Variants in CDH22 observed in about 807,000 individuals in gnomAD.
CDH22 encodes cadherin-22.
Under a neutral mutation model 58.4 loss-of-function variants are expected in CDH22, and 30 were observed. The ratio of observed to expected loss-of-function variants is 0.51; its 90% CI spans 0.38 to 0.70. The LOEUF is 0.70. CDH22 is among the 30% of genes least tolerant of loss of function. CDH22 has a pLI of 0.00. For synonymous variants in CDH22, 513 were observed against 558.2 expected, an observed-to-expected ratio of 0.92 and a Z score of 1.14; for missense variants, 1,014 against 1,233.9, an observed-to-expected ratio of 0.82 and a Z score of 2.67.
At chr20:46,283,492 G>A (rs1410146743) in intron 1 of CDH22, among the ~76,000 whole-genome samples, 1 of 152,150 alleles carries the variant, frequency 6.6e-6, no homozygotes, top group Non-Finnish European at 1.5e-5. Context: ...CATGGAAGCT[G>A]GATATTGCTG....
At chr20:46,244,782 G>T (rs3904166) in intron 2 of CDH22, among the ~76,000 whole-genome samples, 42,475 of 152,036 alleles carry the variant, frequency 0.28, 6,135 homozygotes, top group African/African-American at 0.37. Context: ...AGCTTGGGTG[G>T]TGGCCTTGAC....
chr20:46,254,238 G>A (rs1248484139), intron 1 of CDH22, among the ~76,000 whole-genome samples: 1 of 152,086 alleles, frequency 6.6e-6, no homozygotes, highest in Non-Finnish European at 1.5e-5. Context: ...CATGTGCTGG[G>A]CACTGGGGAC....
In CDH22 at chr20:46,178,190, G is replaced by A. The variant is rs562362688; in HGVS notation, c.1671C>T (p.Thr557=). Residue 557 remains threonine, a synonymous_variant, in exon 11 of 12, where the codon ACC becomes ACT. Coordinates refer to ENST00000537909, the MANE Select transcript of CDH22 (RefSeq NM_021248.3). Reference sequence around the variant, plus strand: ...CCACGTGCTGCGTGTGCACTGCAGCGGTGTTGTCTGTTCCGGAAGAAGGGG... The same window carrying A: ...CCACGTGCTGCGTGTGCACTGCAGCAGTGTTGTCTGTTCCGGAAGAAGGGG... ...HFSLLDIQDN[T]AAVHTQHVGF... 6.8e-6 allele frequency: 11 copies of A among 1,611,128 alleles called. No homozygotes were observed. In the East Asian group the frequency reaches 1.3e-4, roughly 20 times the overall value.
intron 2 of CDH22, among the ~76,000 whole-genome samples, chr20:46,243,701 G>A (rs1387963151): frequency 6.6e-6 from 1 of 152,168 alleles, no homozygotes; most frequent in Non-Finnish European, 1.5e-5. Flanking sequence ...GGGTGATTCT[G>A]TTCCCTTTTG....
intron 1 of CDH22, among the ~76,000 whole-genome samples, chr20:46,290,315 T>A (rs556710218): frequency 6.6e-6 from 1 of 152,216 alleles, no homozygotes; most frequent in Non-Finnish European, 1.5e-5. Context: ...CATTTAGCAA[T>A]GACTAGAGAT....
chr20:46,211,159 G>A (rs1042700321), intron 6 of CDH22, among the ~76,000 whole-genome samples: 1 of 151,024 alleles, frequency 6.6e-6, no homozygotes, highest in Non-Finnish European at 1.5e-5. Flanking sequence ...GCTTCTTATC[G>A]GGGGGTGCTA....
intron 1 of CDH22, among the ~76,000 whole-genome samples, chr20:46,267,843 C>G (rs1246249388): frequency 6.6e-6 from 1 of 152,244 alleles, no homozygotes; most frequent in Admixed American, 6.5e-5. Context: ...GGAAACAGGC[C>G]TTGAGCCAGA....
intron 11 of CDH22, among the ~76,000 whole-genome samples, chr20:46,177,672 G>C (rs2085750810): frequency 6.6e-6 from 1 of 152,160 alleles, no homozygotes; most frequent in Admixed American, 6.5e-5. Context: ...CCATTCACAT[G>C]AGAAAATTTT....
intron 1 of CDH22, among the ~76,000 whole-genome samples, chr20:46,283,564 TCA>T (rs1208203670): frequency 6.6e-6 from 1 of 152,076 alleles, no homozygotes; most frequent in African/African-American, 2.4e-5. Context: ...AGGCCTGCAG[TCA>T]CAGAGACTTC....
At chr20:46,307,863 A>G (rs1003551583) in intron 1 of CDH22, among the ~76,000 whole-genome samples, 10 of 151,886 alleles carry the variant, frequency 6.6e-5, no homozygotes, top group African/African-American at 2.2e-4. Flanking sequence ...CCCTCGCGTC[A>G]GGGCTGTGCG....
chr20:46,197,545 G>A lies in CDH22; in HGVS notation c.1423+1878C>T, dbSNP rs917274264. Among the ~76,000 whole-genome samples, 36 of 152,078 alleles carry A rather than the reference G, an allele frequency of 2.4e-4. 1 individual carries two copies. The highest frequency in any genetic ancestry group is 4.4e-5 in the Non-Finnish European group (3 of 68,016). ...GGAGGGGCGTGTATCTGTGAGTAGG[G>A]AGAGGAGGCATCCCTGCCCAGCAGC... On this transcript the variant is annotated intron_variant, in intron 8 of 11. Transcript: ENST00000537909.
intron 1 of CDH22, among the ~76,000 whole-genome samples, chr20:46,305,094 A>G (rs2086668622): frequency 6.6e-6 from 1 of 152,190 alleles, no homozygotes; most frequent in Non-Finnish European, 1.5e-5. Context: ...CCAAGCAGCC[A>G]CTGTGTATCA....
At chr20:46,227,398 C>T in intron 4 of CDH22, 110 bp downstream of exon 4, 1 of 1,112,872 alleles carries the variant, frequency 9.0e-7, no homozygotes. Context: ...GTGCTGTCCT[C>T]AGAGCTTCTG....
Position 46,210,204 on chromosome 20 carries a change from G to C in CDH22, c.1286+103C>G. On this transcript the variant is annotated intron_variant, in intron 7 of 11. Coordinates refer to ENST00000537909, the MANE Select transcript of CDH22 (RefSeq NM_021248.3). The surrounding 1 kb of genome is among the most constrained non-coding windows in gnomAD (Gnocchi z 4.5). The stretch of plus-strand genomic sequence containing the variant: ...CCTCCCCCACGCAGCCCCTTCCTTC[G>C]GCCCTGCCCGCCCCAGCCCTCCTCC... 8.3e-7 allele frequency: 1 copy of C among 1,205,540 alleles called. No individual in the cohort carries two copies. Among genetic ancestry groups the C allele is most frequent in the Admixed American group, 4.2e-5 (1 of 23,858 alleles). The allele number at this position is 1,205,540 out of a possible 1,614,324, so 74.7% of individuals were successfully genotyped here.
rs184846231 is a variant in CDH22, at chr20:46,237,419, G to A, written c.550+3544C>T. On this transcript the variant is annotated intron_variant, in intron 3 of 11. Transcript: ENST00000537909. ...TGCGTCCCTGCTCCCTCTGATCTCCGAAGCTGCCCAGACCCTGGTGCTGCT... is the reference window on the plus strand; with the variant it reads ...TGCGTCCCTGCTCCCTCTGATCTCCAAAGCTGCCCAGACCCTGGTGCTGCT... 1.1e-3 allele frequency among the ~76,000 whole-genome samples: 166 copies of A among 152,202 alleles called. 1 individual carries two copies. Among genetic ancestry groups the A allele is most frequent in the Non-Finnish European group, 2.9e-4 (20 of 68,008 alleles).
In CDH22 at chr20:46,178,073, G is replaced by A; in HGVS notation, c.1788C>T (p.Thr596=). ...PPTLSSTGTL[T]IRICGCDSSG... is the part of the protein sequence containing the mutation. ...AGCTGTCGCAGCCACAGATGCGGATGGTGAGCGTGCCTGTGCTGCTCAGTG... is the reference window on the plus strand; with the variant it reads ...AGCTGTCGCAGCCACAGATGCGGATAGTGAGCGTGCCTGTGCTGCTCAGTG... Residue 596 remains threonine (T), a synonymous_variant, in exon 11 of 12, where the codon ACC becomes ACT. Coordinates refer to ENST00000537909, the MANE Select transcript of CDH22 (RefSeq NM_021248.3). 6.2e-7 allele frequency: 1 copy of A among 1,614,146 alleles called. No individual in the cohort carries two copies. The highest frequency in any genetic ancestry group is 1.7e-5 in the Admixed American group (1 of 60,024).
Position 46,217,804 on chromosome 20 carries a change from CA to C in CDH22, c.671-812del, listed in dbSNP as rs1162520385. Among the ~76,000 whole-genome samples, 5 of 152,268 alleles carry C rather than the reference CA, an allele frequency of 3.3e-5. No individual in the cohort carries two copies. The East Asian group carries it at 9.6e-4, about 29-fold the overall frequency. On this transcript the variant is annotated intron_variant, in intron 4 of 11. Coordinates refer to ENST00000537909, the MANE Select transcript of CDH22 (RefSeq NM_021248.3). ...ATCCACACACATTCACACATACTCT[CA>C]AATACACATCCTCCCACACAAACAC...
chr20:46,237,023 A>G (rs1196842210), intron 3 of CDH22, among the ~76,000 whole-genome samples: 1 of 152,152 alleles, frequency 6.6e-6, no homozygotes, highest in Non-Finnish European at 1.5e-5. Context: ...TTATTTGGAT[A>G]TTATACATTT....
At chr20:46,176,386 C>A (rs2085739001) in intron 11 of CDH22, among the ~76,000 whole-genome samples, 1 of 152,222 alleles carries the variant, frequency 6.6e-6, no homozygotes, top group Non-Finnish European at 1.5e-5. Flanking sequence ...ATCTTTCCCC[C>A]TTCCCCACCC....
Sources: gnomAD v4.1 joint callset for allele counts (sites outside exome capture counted in the v4.1 genomes callset) on GRCh38, gnomAD v4.1.1 for gene constraint, Gnocchi (gnomAD v3.1) non-coding constraint, MANE v1.5 for transcripts, NCBI Gene and HGNC (gene_info 2026-07-23, HGNC 2026-07-21) for gene names.